Variants in CNTN4 observed in about 807,000 individuals in gnomAD.
CNTN4 encodes the protein contactin-4.
CNTN4 carries 77 observed loss-of-function variants against 122.5 expected under a neutral mutation model. The ratio of observed to expected loss-of-function variants is 0.63; its 90% CI spans 0.52 to 0.76. The LOEUF (loss-of-function observed/expected upper bound fraction) is 0.76, where lower values mean the gene tolerates loss of function less well. Among genes scored for constraint, CNTN4 ranks in the 30% least tolerant of loss-of-function variants. The probability of loss-of-function intolerance (pLI) is 0.00; values close to 1 mark genes in which losing one functional copy is unlikely to be tolerated. For synonymous variants in CNTN4, 512 were observed against 447.0 expected (o/e 1.15, Z -1.83); for missense variants, 1,256 against 1,259.1 (o/e 1.00, Z 0.04).
At position 2,745,561 on chromosome 3, in the gene CNTN4, T is replaced by C; in HGVS notation, c.222T>C (p.Asp74=). The C allele has an allele frequency of 1.2e-6, 2 of 1,614,176 alleles. No individual in the cohort carries two copies. The highest frequency in any genetic ancestry group is 1.7e-6 in the Non-Finnish European group (2 of 1,180,002). The change falls in exon 6 of 25, where the codon GAT becomes GAC. Residue 74 remains aspartate (D), a synonymous_variant. Coordinates refer to ENST00000418658, the MANE Select transcript of CNTN4 (RefSeq NM_175607.3). ...GAACAGATGTTGACACTGGTATGGA[T>C]TTCCGCTACAGTGTTGTTGAAGGGA... is the stretch of plus-strand genomic sequence containing the variant. ...LNGTDVDTGM[D]FRYSVVEGSL... is the part of the protein sequence containing the mutation.
At chr3:2,920,226 G>GAGTT (rs2094414479) in intron 12 of CNTN4, among the ~76,000 whole-genome samples, 1 of 151,150 alleles carries the variant, frequency 6.6e-6, no homozygotes, top group South Asian at 2.1e-4. Context: ...ACACACATAT[G>GAGTT]TATCTAAAAC....
intron 2 of CNTN4, among the ~76,000 whole-genome samples, chr3:2,111,986 G>C (rs1249929209): frequency 6.6e-6 from 1 of 152,122 alleles, no homozygotes; most frequent in Non-Finnish European, 1.5e-5. Context: ...CTATGGGATA[G>C]ACAATGCAAT....
At chr3:2,223,533 A>T (rs1348851587) in intron 2 of CNTN4, among the ~76,000 whole-genome samples, 1 of 152,192 alleles carries the variant, frequency 6.6e-6, no homozygotes. Flanking sequence ...TCTATGTGGA[A>T]TAATAATTAT....
intron 6 of CNTN4, among the ~76,000 whole-genome samples, chr3:2,765,377 CT>C (rs1170934319): frequency 6.6e-6 from 1 of 152,116 alleles, no homozygotes; most frequent in Non-Finnish European, 1.5e-5. Flanking sequence ...GCTGATAGTG[CT>C]TTTTTTCCGG....
intron 3 of CNTN4, among the ~76,000 whole-genome samples, chr3:2,388,406 G>T (rs2046323362): frequency 6.6e-6 from 1 of 152,182 alleles, no homozygotes; most frequent in Admixed American, 6.5e-5. Context: ...AAATAGAGGA[G>T]CCCACACTGG....
At chr3:2,612,218 A>G (rs2081529189) in intron 4 of CNTN4, among the ~76,000 whole-genome samples, 1 of 152,142 alleles carries the variant, frequency 6.6e-6, no homozygotes, top group Non-Finnish European at 1.5e-5. Flanking sequence ...ATAGTAAGTC[A>G]AAAATTACAT....
intron 3 of CNTN4, among the ~76,000 whole-genome samples, chr3:2,409,275 T>G (rs563540158): frequency 1.3e-5 from 2 of 149,884 alleles, no homozygotes; most frequent in South Asian, 2.1e-4. Context: ...TGAGATAGTG[T>G]CTCGCTCTGT....
intron 3 of CNTN4, among the ~76,000 whole-genome samples, chr3:2,379,224 CT>C (rs1163264665): frequency 1.3e-5 from 2 of 151,846 alleles, no homozygotes; most frequent in Admixed American, 6.6e-5. Context: ...TTTTCCTTTC[CT>C]TTTTTTGAAT....
chr3:2,201,109 C>T (rs1359240026), intron 2 of CNTN4, among the ~76,000 whole-genome samples: 1 of 152,112 alleles, frequency 6.6e-6, no homozygotes, highest in Non-Finnish European at 1.5e-5. Flanking sequence ...GTAGCCTATT[C>T]TCCATTCCTT....
At chr3:2,853,394 A>G in intron 7 of CNTN4, among the ~76,000 whole-genome samples, 1 of 151,976 alleles carries the variant, frequency 6.6e-6, no homozygotes, top group Non-Finnish European at 1.5e-5. Flanking sequence ...ACAGGTGCCC[A>G]CGACCACGCC....
At chr3:2,298,787 G>A (rs1224289664) in intron 2 of CNTN4, among the ~76,000 whole-genome samples, 2 of 152,132 alleles carry the variant, frequency 1.3e-5, no homozygotes, top group African/African-American at 4.8e-5. Flanking sequence ...GATTAAGCAT[G>A]GAATGAGTAT....
intron 2 of CNTN4, among the ~76,000 whole-genome samples, chr3:2,119,829 G>T (rs2727905): frequency 0.5 from 76,498 of 151,990 alleles, 19,566 homozygotes; most frequent in East Asian, 0.7. Context: ...AGCTTAGGGT[G>T]TGGTAGGGGT....
chr3:2,112,389 A>C (rs1375503641), intron 2 of CNTN4, among the ~76,000 whole-genome samples: 1 of 152,210 alleles, frequency 6.6e-6, no homozygotes, highest in African/African-American at 2.4e-5. Context: ...AGAGAATAGC[A>C]GTCACTTTAT....
chr3:2,545,371 G>T (rs2149323691), intron 3 of CNTN4, among the ~76,000 whole-genome samples: 1 of 151,986 alleles, frequency 6.6e-6, no homozygotes, highest in Middle Eastern at 3.4e-3. Context: ...GATGTCTTTT[G>T]GGTCCATTTG....
chr3:2,933,038 G>A (rs577936682), intron 13 of CNTN4, among the ~76,000 whole-genome samples: 7 of 152,148 alleles, frequency 4.6e-5, no homozygotes, highest in Non-Finnish European at 7.4e-5. Context: ...TAGCCAGGAT[G>A]GTCTCGATCT....
At chr3:2,614,287 A>G (rs1286349567) in intron 4 of CNTN4, among the ~76,000 whole-genome samples, 2 of 152,176 alleles carry the variant, frequency 1.3e-5, no homozygotes, top group Non-Finnish European at 2.9e-5. Flanking sequence ...AGCAAGTGGG[A>G]AAGAGGAAGA....
At chr3:2,541,056 T>C (rs1318585029) in intron 3 of CNTN4, among the ~76,000 whole-genome samples, 2 of 152,274 alleles carry the variant, frequency 1.3e-5, no homozygotes, top group African/African-American at 4.8e-5. Context: ...CCCAAGTCCT[T>C]ATCTCCAAGT....
chr3:2,431,402 T>C (rs1007628280), intron 3 of CNTN4, among the ~76,000 whole-genome samples: 3 of 152,234 alleles, frequency 2.0e-5, no homozygotes, highest in Non-Finnish European at 4.4e-5. Flanking sequence ...AGAATAAGTT[T>C]TGAAGCAAAA....
At chr3:2,906,844 C>CAAA (rs11287897) in intron 12 of CNTN4, among the ~76,000 whole-genome samples, 1 of 122,408 alleles carries the variant, frequency 8.2e-6, no homozygotes, top group South Asian at 2.6e-4. Context: ...AACTCCTTCT[C>CAAA]AAAAAAAAAA....
Sources: allele counts gnomAD v4.1 joint callset (sites outside exome capture counted in the v4.1 genomes callset), GRCh38; gene constraint gnomAD v4.1.1; transcripts MANE v1.5; gene names NCBI Gene and HGNC (gene_info 2026-07-23, HGNC 2026-07-21).